The following SKAP2 variants were observed in gnomAD, a reference collection of about 807,000 sequenced individuals.
SKAP2 encodes the protein src kinase associated phosphoprotein 2, also known as src kinase-associated phosphoprotein 2.
SKAP2 carries 28 observed loss-of-function variants against 54.9 expected under a neutral mutation model. That is an observed-to-expected ratio of 0.51 (90% CI 0.38 to 0.70). SKAP2 has a LOEUF of 0.70. Among genes scored for constraint, SKAP2 ranks in the 30% least tolerant of loss-of-function variants. The probability of loss-of-function intolerance (pLI) is 0.00; values close to 1 mark genes in which losing one functional copy is unlikely to be tolerated. For missense variants in SKAP2, 356 were observed against 424.1 expected (o/e 0.84, Z 1.41); for synonymous variants, 137 against 134.3 (o/e 1.02, Z -0.14).
chr7:26,792,300 A>G (rs894790134), intron 4 of SKAP2, among the ~76,000 whole-genome samples: 12 of 152,216 alleles, frequency 7.9e-5, no homozygotes, highest in Admixed American at 2.0e-4. Flanking sequence ...TATAGCTACC[A>G]AAACTCATCA....
intron 6 of SKAP2, among the ~76,000 whole-genome samples, chr7:26,734,516 C>T (rs917379886): frequency 1.1e-4 from 16 of 152,138 alleles, no homozygotes; most frequent in African/African-American, 3.9e-4. Context: ...GCCCATTTTA[C>T]CCTTCTTCCC....
chr7:26,683,568 A>G (rs199788215), intron 11 of SKAP2, among the ~76,000 whole-genome samples: 12 of 87,474 alleles, frequency 1.4e-4, no homozygotes, highest in East Asian at 6.0e-4. Context: ...AAGGAAGGAA[A>G]GAAGGAGCAC....
chr7:26,704,226 T>C (rs1337002539), intron 9 of SKAP2, among the ~76,000 whole-genome samples: 2 of 152,218 alleles, frequency 1.3e-5, no homozygotes. Flanking sequence ...AACTTGGCAT[T>C]TGCCCCTTCC....
chr7:26,762,802 T>C (rs1290590470), intron 4 of SKAP2, among the ~76,000 whole-genome samples: 1 of 152,236 alleles, frequency 6.6e-6, no homozygotes, highest in East Asian at 1.9e-4. Context: ...AGGAAAGAAA[T>C]TTATAACCTC....
At chr7:26,685,229 A>T (rs181140623) in intron 10 of SKAP2, among the ~76,000 whole-genome samples, 1 of 152,296 alleles carries the variant, frequency 6.6e-6, no homozygotes, top group East Asian at 1.9e-4. Context: ...AATATCCATG[A>T]GATGTGACAC....
At chr7:26,793,134 C>G (rs1481190971) in intron 4 of SKAP2, among the ~76,000 whole-genome samples, 1 of 152,168 alleles carries the variant, frequency 6.6e-6, no homozygotes, top group Admixed American at 6.5e-5. Flanking sequence ...CCTGCTGTTT[C>G]TAGGCTAATG....
chr7:26,785,218 ACT>A (rs1326211174), intron 4 of SKAP2, among the ~76,000 whole-genome samples: 2 of 151,404 alleles, frequency 1.3e-5, no homozygotes, highest in Admixed American at 1.3e-4. Context: ...TTTAAGACTC[ACT>A]CTGTTGTCCA....
intron 3 of SKAP2, among the ~76,000 whole-genome samples, chr7:26,851,796 T>A (rs1194860599): frequency 6.8e-6 from 1 of 147,752 alleles, no homozygotes; most frequent in Admixed American, 6.8e-5. Flanking sequence ...TTATCTAGAG[T>A]AGAAGGGAAG....
intron 4 of SKAP2, among the ~76,000 whole-genome samples, chr7:26,775,862 A>G (rs1783295200): frequency 6.6e-6 from 1 of 152,118 alleles, no homozygotes; most frequent in South Asian, 2.1e-4. Flanking sequence ...ATGTGTATCA[A>G]TAGTTTGTTC....
chr7:26,666,555 T>C (rs114226330), downstream of SKAP2, among the ~76,000 whole-genome samples: 1,822 of 152,224 alleles, frequency 0.012, 37 homozygotes, highest in African/African-American at 0.041. Flanking sequence ...TGTGTAATGA[T>C]AGCAAAAAGT....
chr7:26,800,234 A>G (rs1783884829), intron 4 of SKAP2, among the ~76,000 whole-genome samples: 1 of 152,198 alleles, frequency 6.6e-6, no homozygotes, highest in South Asian at 2.1e-4. Context: ...AAACTACACA[A>G]ATGCATGGAA....
chr7:26,711,091 G>A (rs567646920), intron 9 of SKAP2, among the ~76,000 whole-genome samples: 31 of 152,162 alleles, frequency 2.0e-4, no homozygotes, highest in African/African-American at 6.5e-4. Flanking sequence ...CAGGTTTAAC[G>A]AAAATACTAT....
intron 4 of SKAP2, among the ~76,000 whole-genome samples, chr7:26,775,186 A>C (rs1053776337): frequency 6.6e-6 from 1 of 152,116 alleles, no homozygotes; most frequent in Non-Finnish European, 1.5e-5. Context: ...CTCCTGATTC[A>C]GAGAAAGTTC....
At chr7:26,792,316 T>A (rs753905152) in intron 4 of SKAP2, among the ~76,000 whole-genome samples, 2 of 152,220 alleles carry the variant, frequency 1.3e-5, no homozygotes, top group African/African-American at 2.4e-5. Context: ...CATCACATTG[T>A]TCACTTTTAA....
At chr7:26,662,939 C>T (rs999226444), downstream of SKAP2, among the ~76,000 whole-genome samples, 5 of 151,936 alleles carry the variant, frequency 3.3e-5, no homozygotes, top group East Asian at 1.9e-4. Context: ...AGGAAAGTGG[C>T]GCAAGGAGAT....
chr7:26,809,839 G>C (rs1784103808), intron 4 of SKAP2, among the ~76,000 whole-genome samples: 1 of 152,148 alleles, frequency 6.6e-6, no homozygotes, highest in Non-Finnish European at 1.5e-5. Flanking sequence ...CAATAGCCAA[G>C]ATACGGAATC....
chr7:26,702,207 T>C (rs578009662), intron 9 of SKAP2, among the ~76,000 whole-genome samples: 2 of 152,260 alleles, frequency 1.3e-5, no homozygotes, highest in African/African-American at 4.8e-5. Context: ...CAAGTTGGAG[T>C]GCAGTGGCAT....
chr7:26,682,163 G>T (rs1247731290), intron 11 of SKAP2, among the ~76,000 whole-genome samples: 1 of 152,114 alleles, frequency 6.6e-6, no homozygotes, highest in Non-Finnish European at 1.5e-5. Flanking sequence ...ATTCAAAATT[G>T]CAGTTATTCA....
At chr7:26,834,889 C>T (rs922579726) in intron 4 of SKAP2, among the ~76,000 whole-genome samples, 2 of 151,960 alleles carry the variant, frequency 1.3e-5, no homozygotes, top group African/African-American at 2.4e-5. Flanking sequence ...AGGGACACAA[C>T]AAAAAAAGAA....
Sources: gnomAD v4.1 joint callset for allele counts (sites outside exome capture counted in the v4.1 genomes callset) on GRCh38, gnomAD v4.1.1 for gene constraint, MANE v1.5 for transcripts, NCBI Gene and HGNC (gene_info 2026-07-23, HGNC 2026-07-21) for gene names.